The following RORB variants were observed in gnomAD, a reference collection of about 807,000 sequenced individuals.
RORB encodes nuclear receptor ROR-beta.
RORB carries 6 observed loss-of-function variants against 59.1 expected under a neutral mutation model. The observed-to-expected ratio is 0.10, with a 90% confidence interval of 0.06 to 0.20. RORB has a LOEUF of 0.20. Among genes scored for constraint, RORB ranks in the 10% least tolerant of loss-of-function variants. RORB has a pLI of 1.00. For missense variants in RORB, 320 were observed against 560.5 expected (o/e 0.57, Z 4.33); for synonymous variants, 215 against 204.5 (o/e 1.05, Z -0.44).
At chr9:74,681,242 C>A (rs1708988351) in intron 9 of RORB, among the ~76,000 whole-genome samples, 1 of 152,090 alleles carries the variant, frequency 6.6e-6, no homozygotes, top group Admixed American at 6.5e-5. Flanking sequence ...GCTCTGAGCT[C>A]CCTTTGAAAT....
intron 1 of RORB, among the ~76,000 whole-genome samples, chr9:74,570,306 T>G (rs1822532200): frequency 6.6e-6 from 1 of 152,242 alleles, no homozygotes; most frequent in East Asian, 1.9e-4. Flanking sequence ...TGTAAATGAA[T>G]ATGTATTTGT....
At chr9:74,523,035 A>C (rs1162426732) in intron 1 of RORB, among the ~76,000 whole-genome samples, 1 of 151,582 alleles carries the variant, frequency 6.6e-6, no homozygotes, top group Non-Finnish European at 1.5e-5. Flanking sequence ...TTGAGGTTTG[A>C]CTCTGGTTGT....
intron 1 of RORB, among the ~76,000 whole-genome samples, chr9:74,577,753 G>C (rs1822660260): frequency 6.6e-6 from 1 of 152,002 alleles, no homozygotes; most frequent in African/African-American, 2.4e-5. Flanking sequence ...TAAAATGGAG[G>C]CAAAAACATT....
rs529691775 is a variant in RORB, at chr9:74,509,057, C to A, written c.7+11074C>A. ...TTGGCCCTTAAGATAAAACTTGTTA[C>A]CACAACTCTCACCAGTGTTTTGACC... On this transcript the variant is annotated intron_variant, in intron 1 of 9. Coordinates refer to ENST00000376896, the MANE Select transcript of RORB (RefSeq NM_006914.4). Among the ~76,000 whole-genome samples the A allele has an allele frequency of 4.6e-5, 7 of 152,056 alleles. No homozygotes were observed. In the South Asian group the frequency reaches 1.2e-3, roughly 27 times the overall value.
chr9:74,508,467 G>A (rs1825896244), intron 1 of RORB, among the ~76,000 whole-genome samples: 1 of 151,926 alleles, frequency 6.6e-6, no homozygotes, highest in Admixed American at 6.6e-5. Flanking sequence ...TTTTTGAAAG[G>A]TTGTCTAACA....
chr9:74,594,838 G>C (rs886343331), intron 1 of RORB, among the ~76,000 whole-genome samples: 2 of 152,146 alleles, frequency 1.3e-5, no homozygotes. Context: ...GAAGCTGCTT[G>C]ATTGATATCC....
intron 1 of RORB, among the ~76,000 whole-genome samples, chr9:74,519,956 A>G (rs1432921013): frequency 6.6e-6 from 1 of 151,904 alleles, no homozygotes. Context: ...ATCAATTAAA[A>G]TACCTCTGAG....
In RORB at chr9:74,597,459, A is replaced by C. The variant is rs565325103; in HGVS notation, c.8-32823A>C. On this transcript the variant is annotated intron_variant, in intron 1 of 9. Transcript: ENST00000376896. ...ATAAATGAAATTTTTAACATTATTA[A>C]ATTTAAATATCAAAGTGATTTAAAA... is the stretch of plus-strand genomic sequence containing the variant. Among the ~76,000 whole-genome samples the C allele has an allele frequency of 2.6e-5, 4 of 152,358 alleles. No individual in the cohort carries two copies. The South Asian group carries it at 6.2e-4, about 24-fold the overall frequency.
At chr9:74,628,459 C>CA (rs970993838) in intron 1 of RORB, among the ~76,000 whole-genome samples, 1 of 152,130 alleles carries the variant, frequency 6.6e-6, no homozygotes, top group Non-Finnish European at 1.5e-5. Flanking sequence ...CAAATCACCT[C>CA]AAAAGCAGAA....
intron 1 of RORB, among the ~76,000 whole-genome samples, chr9:74,605,463 G>T (rs768174812): frequency 6.6e-6 from 1 of 152,052 alleles, no homozygotes; most frequent in African/African-American, 2.4e-5. Context: ...CAGTATAGGC[G>T]GTGTGTCCAC....
intron 1 of RORB, among the ~76,000 whole-genome samples, chr9:74,569,953 T>C (rs997750028): frequency 6.6e-5 from 10 of 152,066 alleles, no homozygotes; most frequent in African/African-American, 2.4e-4. Context: ...AGATCTTTTT[T>C]ATTTTCTCCT....
chr9:74,615,296 A>G (rs917709608), intron 1 of RORB, among the ~76,000 whole-genome samples: 4 of 152,322 alleles, frequency 2.6e-5, no homozygotes, highest in Admixed American at 1.3e-4. Context: ...ATGTATCTAT[A>G]TAATTTGGGG....
chr9:74,644,631 A>G (rs1823866447), intron 4 of RORB, among the ~76,000 whole-genome samples: 1 of 152,178 alleles, frequency 6.6e-6, no homozygotes, highest in Admixed American at 6.5e-5. Context: ...GGTCATTTAA[A>G]ATAGTCATTC....
chr9:74,660,862 C>G, intron 5 of RORB, 124 bp downstream of exon 5: 1 of 957,136 alleles, frequency 1.0e-6, no homozygotes. Flanking sequence ...GCAAATTGTT[C>G]GATACTTACC....
At chr9:74,599,920 G>A (rs1169762091) in intron 1 of RORB, among the ~76,000 whole-genome samples, 1 of 152,124 alleles carries the variant, frequency 6.6e-6, no homozygotes, top group Non-Finnish European at 1.5e-5. Flanking sequence ...CTAAGAACCA[G>A]GTAAGAAACT....
intron 1 of RORB, among the ~76,000 whole-genome samples, chr9:74,624,471 T>G (rs1823474482): frequency 1.3e-5 from 2 of 152,242 alleles, no homozygotes; most frequent in Admixed American, 1.3e-4. Flanking sequence ...TAGCATGGTA[T>G]AGCGGCCGAA....
chr9:74,614,469 GAATGGGT>G (rs1823278562), intron 1 of RORB, among the ~76,000 whole-genome samples: 1 of 151,934 alleles, frequency 6.6e-6, no homozygotes, highest in African/African-American at 2.4e-5. Flanking sequence ...GCACAAGGAG[GAATGGGT>G]AATTATGTGA....
chr9:74,537,492 G>C (rs1032847839), intron 1 of RORB, among the ~76,000 whole-genome samples: 1 of 151,200 alleles, frequency 6.6e-6, no homozygotes, highest in East Asian at 1.9e-4. Flanking sequence ...TTTAACAAGA[G>C]TTGAAAAAAA....
intron 1 of RORB, among the ~76,000 whole-genome samples, chr9:74,538,520 T>C (rs1826355868): frequency 6.6e-6 from 1 of 152,120 alleles, no homozygotes; most frequent in African/African-American, 2.4e-5. Flanking sequence ...AAGTGCTTCC[T>C]CTGTTAGTAT....
Sources: allele counts gnomAD v4.1 joint callset (sites outside exome capture counted in the v4.1 genomes callset), GRCh38; gene constraint gnomAD v4.1.1; transcripts MANE v1.5; gene names NCBI Gene and HGNC (gene_info 2026-07-23, HGNC 2026-07-21).